Variants in PPP1R36 observed in about 807,000 individuals in gnomAD.
PPP1R36 encodes the protein chromosome 14 open reading frame 50.
PPP1R36 carries 47 observed loss-of-function variants against 53.4 expected under a neutral mutation model. That is an observed-to-expected ratio of 0.88 (90% CI 0.70 to 1.12). PPP1R36 has a LOEUF of 1.12. PPP1R36 is among the 50% of genes most tolerant of loss of function. The probability of loss-of-function intolerance (pLI) is 0.00; values close to 1 mark genes in which losing one functional copy is unlikely to be tolerated. For synonymous variants in PPP1R36, 153 were observed against 170.5 expected (o/e 0.90, Z 0.80); for missense variants, 456 against 513.9 (o/e 0.89, Z 1.09).
chr14:64,569,686 C>T (rs1054326851), intron 7 of PPP1R36, among the ~76,000 whole-genome samples: 5 of 151,248 alleles, frequency 3.3e-5, no homozygotes, highest in Non-Finnish European at 7.4e-5. Flanking sequence ...CGTATTTCCT[C>T]TTCTGAGGCT....
At chr14:64,588,801 C>T (rs958476294) in intron 11 of PPP1R36, among the ~76,000 whole-genome samples, 1 of 152,032 alleles carries the variant, frequency 6.6e-6, no homozygotes, top group Non-Finnish European at 1.5e-5. Context: ...CTCAGGTGAT[C>T]TGCCCGCCTC....
chr14:64,571,484 A>G (rs2080303219), intron 7 of PPP1R36, among the ~76,000 whole-genome samples: 1 of 152,074 alleles, frequency 6.6e-6, no homozygotes, highest in African/African-American at 2.4e-5. Flanking sequence ...AATCTTCATA[A>G]TTATAATTTT....
intron 8 of PPP1R36, among the ~76,000 whole-genome samples, chr14:64,582,354 T>C (rs2080395747): frequency 6.6e-6 from 1 of 152,210 alleles, no homozygotes; most frequent in Non-Finnish European, 1.5e-5. Context: ...TCATAAAATA[T>C]ACTTTCCTCA....
At chr14:64,583,811 CAA>C (rs529491293) in intron 8 of PPP1R36, among the ~76,000 whole-genome samples, 8 of 30,064 alleles carry the variant, frequency 2.7e-4, no homozygotes, top group African/African-American at 6.2e-4. Context: ...AACTCCATCT[CAA>C]AAAAAAAAAA....
In PPP1R36 at chr14:64,589,326, A is replaced by T; in HGVS notation, c.1257A>T (p.Ser419=). 1 of 1,610,970 alleles carries T rather than the reference A, an allele frequency of 6.2e-7. No individual in the cohort carries two copies. Among genetic ancestry groups the T allele is most frequent in the Non-Finnish European group, 8.5e-7 (1 of 1,177,736 alleles). Reference sequence around the variant, plus strand: ...TGAAAACACTGTCCTCTCATACATCATGCCCTAAGTAACCTGGTACATTCC... The same window carrying T: ...TGAAAACACTGTCCTCTCATACATCTTGCCCTAAGTAACCTGGTACATTCC... ...LVMKTLSSHT[S]CPK is the part of the protein sequence containing the mutation. The change falls in exon 12 of 12, where the codon TCA becomes TCT. Residue 419 remains serine, a synonymous_variant. Transcript: ENST00000298705.
At chr14:64,587,096 C>A in intron 9 of PPP1R36, 98 bp from the exon 10 acceptor site, 1 of 968,454 alleles carries the variant, frequency 1.0e-6, no homozygotes, top group Non-Finnish European at 1.5e-6. Context: ...GAAATTGGGT[C>A]ATCTGGGTTT....
At chr14:64,559,911 T>C (rs1716294824) in intron 3 of PPP1R36, among the ~76,000 whole-genome samples, 1 of 151,896 alleles carries the variant, frequency 6.6e-6, no homozygotes, top group African/African-American at 2.4e-5. Context: ...AAGACCAGCC[T>C]GGCCAAAATG....
Position 64,550,046 on chromosome 14 carries a change from C to A in PPP1R36, c.49C>A (p.Gln17Lys). ...FYARRKRLGG[Q>K]TPYLMDQLGL... The stretch of plus-strand genomic sequence containing the variant: ...TGCGAGGAGGAAGCGGTTAGGTGGG[C>A]AGACCCCTTACTTGATGGATGTAAG... Residue 17 changes from glutamine (Q) to lysine (K), a missense_variant, in exon 1 of 12, where the codon CAG becomes AAG. Gln to Lys is a moderately conservative substitution (Grantham distance 53). Coordinates refer to ENST00000298705, the MANE Select transcript of PPP1R36 (RefSeq NM_172365.3). 1 of 1,570,438 alleles carries A rather than the reference C, an allele frequency of 6.4e-7. No homozygotes were observed. The highest frequency in any genetic ancestry group is 8.6e-7 in the Non-Finnish European group (1 of 1,157,534).
chr14:64,565,269 T>C lies in PPP1R36; in HGVS notation c.270-88T>C, dbSNP rs1045838041. 1.4e-5 allele frequency: 12 copies of C among 847,982 alleles called. No homozygotes were observed. The Admixed American group carries it at 2.6e-4, about 19-fold the overall frequency. The allele number at this position is 847,982 out of a possible 1,614,324, so 52.5% of individuals were successfully genotyped here. On this transcript the variant is annotated intron_variant, in intron 4 of 11. Transcript: ENST00000298705. ...ATGACACTCAGGCTCTTATTACTTT[T>C]TAATAAATGCTTCCTGCACCTCAGG... is the stretch of plus-strand genomic sequence containing the variant.
rs1218359816 is a variant in PPP1R36, at chr14:64,550,994, T to C, written c.134+9T>C. The C allele has an allele frequency of 3.8e-6, 6 of 1,564,288 alleles. No individual in the cohort carries two copies. The highest frequency in any genetic ancestry group is 5.3e-6 in the Non-Finnish European group (6 of 1,138,544). ...ACTCTTGAATTCAGAAGGTAAAATT[T>C]AACAACACTTTATTAGAGTTTTTAT... is the stretch of plus-strand genomic sequence containing the variant. On this transcript the variant is annotated intron_variant, in intron 2 of 11. Transcript: ENST00000298705.
chr14:64,588,850 G>A (rs544515500), intron 11 of PPP1R36, among the ~76,000 whole-genome samples: 3 of 152,140 alleles, frequency 2.0e-5, no homozygotes, highest in East Asian at 1.9e-4. Context: ...GTGAGCCACC[G>A]CGCCCAGCCT....
At chr14:64,557,185 G>T (rs1286725419) in intron 3 of PPP1R36, among the ~76,000 whole-genome samples, 1 of 152,148 alleles carries the variant, frequency 6.6e-6, no homozygotes, top group Non-Finnish European at 1.5e-5. Flanking sequence ...AGGGAAGATG[G>T]TGTAATGAAC....
In PPP1R36 at chr14:64,550,817, A is replaced by G; in HGVS notation, c.70-104A>G. The G allele has an allele frequency of 3.7e-6, 3 of 810,022 alleles. No homozygotes were observed. In the South Asian group the frequency reaches 5.3e-5, roughly 14 times the overall value. The allele number at this position is 810,022 out of a possible 1,614,324, so 50.2% of individuals were successfully genotyped here. On this transcript the variant is annotated intron_variant, in intron 1 of 11. Coordinates refer to ENST00000298705, the MANE Select transcript of PPP1R36 (RefSeq NM_172365.3). Reference sequence around the variant, plus strand: ...TTTTTTGTTTCCTTCTTATTACTTAAAAGATGTGTTAGTAAGTAGGAATTA... The same window carrying G: ...TTTTTTGTTTCCTTCTTATTACTTAGAAGATGTGTTAGTAAGTAGGAATTA...
chr14:64,551,103 G>A, intron 2 of PPP1R36, 118 bp downstream of exon 2: 2 of 654,810 alleles, frequency 3.1e-6, no homozygotes, highest in Non-Finnish European at 5.2e-6. Context: ...CATCTGGAAG[G>A]AAACAATCAT....
chr14:64,556,021 G>A (rs370022693), intron 3 of PPP1R36, among the ~76,000 whole-genome samples: 1 of 151,778 alleles, frequency 6.6e-6, no homozygotes. Flanking sequence ...GTGCACCAAT[G>A]TTAAGAGTTA....
chr14:64,553,155 A>G (rs1333982048), intron 3 of PPP1R36, among the ~76,000 whole-genome samples: 4 of 151,628 alleles, frequency 2.6e-5, no homozygotes, highest in Admixed American at 6.6e-5. Context: ...GTTTTTCACC[A>G]TGTTGCCCAG....
At chr14:64,550,773 G>GTA (rs1334802299) in intron 1 of PPP1R36, 148 bp from the exon 2 acceptor site, 1 of 597,362 alleles carries the variant, frequency 1.7e-6, no homozygotes, top group Non-Finnish European at 2.9e-6. Context: ...GTGTAAAGAG[G>GTA]GACTAGTAGG....
At chr14:64,550,869 G>A in intron 1 of PPP1R36, 52 bp from the exon 2 acceptor site, 1 of 1,318,010 alleles carries the variant, frequency 7.6e-7, no homozygotes, top group Non-Finnish European at 1.1e-6. Context: ...GTGGCATATG[G>A]ATTGTAAATT....
At chr14:64,578,878 C>A (rs931633732) in intron 8 of PPP1R36, among the ~76,000 whole-genome samples, 13 of 152,172 alleles carry the variant, frequency 8.5e-5, no homozygotes, top group Admixed American at 6.5e-4. Context: ...CAGTGACACA[C>A]TGGATAAAGA....
Sources: allele counts gnomAD v4.1 joint callset (sites outside exome capture counted in the v4.1 genomes callset), GRCh38; gene constraint gnomAD v4.1.1; transcripts MANE v1.5; gene names NCBI Gene and HGNC (gene_info 2026-07-23, HGNC 2026-07-21).